Variants in TRPM1 observed in about 807,000 individuals in gnomAD.
TRPM1 encodes the protein TRPM1-203 APA Isoform, Intron 10.
Under a neutral mutation model 149.4 loss-of-function variants are expected in TRPM1, and 113 were observed. The ratio of observed to expected loss-of-function variants is 0.76; its 90% confidence interval spans 0.65 to 0.88. The LOEUF is 0.88. TRPM1 is among the 40% of genes least tolerant of loss of function. The pLI, the probability that TRPM1 is intolerant of heterozygous loss-of-function variation, is 0.00. For synonymous variants in TRPM1, 741 were observed against 759.5 expected, an observed-to-expected ratio of 0.98 and a Z score of 0.40; for missense variants, 1,976 against 2,038.7, an observed-to-expected ratio of 0.97 and a Z score of 0.59.
Position 31,040,489 on chromosome 15 carries a change from A to C in TRPM1, c.2088-143T>G. The stretch of plus-strand genomic sequence containing the variant: ...GCTCTGAGGTTCTCTGCAAGCAAGA[A>C]GCTCCAGGGATGTGTCCCCAAAGGG... On this transcript the variant is annotated intron_variant, in intron 17 of 27. Transcript: ENST00000256552. This position sits in a 1 kb window ranked among gnomAD's most constrained non-coding sequence, Gnocchi z 4.2. The C allele has an allele frequency of 1.4e-6, 1 of 739,854 alleles. No homozygotes were observed. Among genetic ancestry groups the C allele is most frequent in the South Asian group, 1.6e-5 (1 of 62,704 alleles). The allele number at this position is 739,854 out of a possible 1,614,324, so 45.8% of individuals were successfully genotyped here.
chr15:31,077,964 A>G (rs981390406), intron 2 of TRPM1, among the ~76,000 whole-genome samples: 38 of 152,098 alleles, frequency 2.5e-4, no homozygotes, highest in Non-Finnish European at 5.9e-5. Context: ...TGGCGTGTGC[A>G]TGACTATGAC....
intron 15 of TRPM1, 113 bp from the exon 16 acceptor site, chr15:31,046,346 T>A (rs2033763394): frequency 5.2e-6 from 5 of 960,196 alleles, no homozygotes; most frequent in Non-Finnish European, 6.7e-6. Context: ...AAGCACTTTG[T>A]ATCATTAACA....
intron 19 of TRPM1, 83 bp downstream of exon 19, chr15:31,037,961 T>G: frequency 1.2e-6 from 2 of 1,612,286 alleles, no homozygotes; most frequent in Non-Finnish European, 1.7e-6. Context: ...CCAGTGAGAT[T>G]TCTCAATCTG....
Position 31,040,035 on chromosome 15 carries a change from GCC to G in TRPM1, c.2316+81_2316+82del. On this transcript the variant is annotated intron_variant, in intron 18 of 27. Coordinates refer to ENST00000256552, the MANE Select transcript of TRPM1 (RefSeq NM_001252024.2). This position sits in a 1 kb window ranked among gnomAD's most constrained non-coding sequence, Gnocchi z 4.2. ...TTGCTAGAAGGAATAAATGAAATAA[GCC>G]ACAGAAAGTGCTCAGTTCAGCCTGG... 8.2e-7 allele frequency: 1 copy of G among 1,218,260 alleles called. No homozygotes were observed. Among genetic ancestry groups the G allele is most frequent in the Non-Finnish European group, 1.2e-6 (1 of 827,014 alleles). 75.5% of individuals were successfully genotyped at this position (1,218,260 alleles called of 1,614,324 possible). A position where few individuals can be genotyped will look rare whatever the true frequency, so the allele number is the denominator to read the frequency against.
chr15:31,130,329 G>A (rs778586775), intron 1 of TRPM1, among the ~76,000 whole-genome samples: 18 of 152,190 alleles, frequency 1.2e-4, no homozygotes, highest in Admixed American at 9.8e-4. Flanking sequence ...TGACCTAACC[G>A]ACTCCATCTT....
chr15:31,067,800 T>G (rs2034421754), intron 5 of TRPM1, 79 bp downstream of exon 5: 16 of 1,382,352 alleles, frequency 1.2e-5, no homozygotes, highest in Non-Finnish European at 1.4e-5. Context: ...TTGTCCTTAG[T>G]TATTAGGAAG....
intron 25 of TRPM1, among the ~76,000 whole-genome samples, chr15:31,027,838 T>A (rs924122845): frequency 1.1e-4 from 16 of 152,228 alleles, no homozygotes; most frequent in Admixed American, 9.2e-4. Context: ...CAACACAACA[T>A]GCCAAATAGG....
intron 11 of TRPM1, among the ~76,000 whole-genome samples, chr15:31,055,280 C>G (rs1049471615): frequency 1.3e-5 from 2 of 152,140 alleles, no homozygotes; most frequent in African/African-American, 4.8e-5. Flanking sequence ...CCCTCCCTCC[C>G]CAGATACTAT....
At chr15:31,066,783 G>A (rs1027194917) in intron 6 of TRPM1, among the ~76,000 whole-genome samples, 3 of 152,172 alleles carry the variant, frequency 2.0e-5, no homozygotes, top group African/African-American at 7.2e-5. Flanking sequence ...CAGGGGTTAA[G>A]GAAGAGGTGG....
rs560313578 is a variant in TRPM1, at chr15:31,132,080, A to G, written c.54+28826T>C. ...GGAGCATTAGCCACAGCCAGCTGTT[A>G]CGCCGTGTTCTGGGCCATTACGCGG... On this transcript the variant is annotated intron_variant, in intron 1 of 26. Transcript: ENST00000542188. 5.3e-5 allele frequency among the ~76,000 whole-genome samples: 8 copies of G among 152,286 alleles called. No individual in the cohort carries two copies. The South Asian group carries it at 6.2e-4, about 12-fold the overall frequency.
chr15:31,025,760 G>A (rs772744381), intron 27 of TRPM1, among the ~76,000 whole-genome samples: 1 of 152,218 alleles, frequency 6.6e-6, no homozygotes, highest in Non-Finnish European at 1.5e-5. Context: ...TAGGCCGGAT[G>A]AGGAGGGCAG....
Position 31,066,196 on chromosome 15 carries a change from G to T in TRPM1, c.670C>A (p.Leu224Ile). The T allele has an allele frequency of 6.8e-6, 11 of 1,614,190 alleles. No individual in the cohort carries two copies. The highest frequency in any genetic ancestry group is 9.3e-6 in the Non-Finnish European group (11 of 1,180,032). The stretch of plus-strand genomic sequence containing the variant: ...ATGAAGTGGGTGTGGGAGTTGTTGA[G>T]CACAGAGAGCTTACTTAGAGGGTTG... ...MSNPLSKLSV[L>I]NNSHTHFILA... Residue 224 changes from leucine to isoleucine, a missense_variant, in exon 7 of 28, where the codon CTC (leucine) becomes ATC (isoleucine). Leu to Ile is a conservative substitution (Grantham distance 5, BLOSUM62 2). Transcript: ENST00000256552.
At chr15:31,047,546 A>T (rs1203367684) in intron 14 of TRPM1, among the ~76,000 whole-genome samples, 1 of 152,146 alleles carries the variant, frequency 6.6e-6, no homozygotes, top group Non-Finnish European at 1.5e-5. Context: ...ATCTCAAAGG[A>T]GGGACAGAAC....
intron 1 of TRPM1, among the ~76,000 whole-genome samples, chr15:31,152,605 T>C (rs2141063319): frequency 6.6e-6 from 1 of 152,282 alleles, no homozygotes; most frequent in East Asian, 1.9e-4. Flanking sequence ...CTCCTTCTTT[T>C]GGAATTTAGG....
intron 1 of TRPM1, among the ~76,000 whole-genome samples, chr15:31,137,255 G>C (rs1002369379): frequency 1.3e-5 from 2 of 152,138 alleles, no homozygotes; most frequent in African/African-American, 4.8e-5. Context: ...CAATGGTGAG[G>C]TCTCAGAGCA....
chr15:31,063,026 G>A, intron 8 of TRPM1, 92 bp downstream of exon 8: 1 of 1,519,346 alleles, frequency 6.6e-7, no homozygotes, highest in Non-Finnish European at 9.0e-7. Context: ...AAACACGTTT[G>A]GAATGTCTAA....
intron 1 of TRPM1, among the ~76,000 whole-genome samples, chr15:31,093,945 A>G (rs182504275): frequency 6.6e-6 from 1 of 152,234 alleles, no homozygotes; most frequent in East Asian, 1.9e-4. Flanking sequence ...GAGGACTCAT[A>G]TTTTCTGATT....
intron 4 of TRPM1, 123 bp from the exon 5 acceptor site, chr15:31,068,215 G>T: frequency 1.2e-6 from 1 of 867,470 alleles, no homozygotes; most frequent in Non-Finnish European, 1.9e-6. Context: ...TCAGGGCCCT[G>T]GAGCCCTCTG....
chr15:31,062,857 A>C, intron 8 of TRPM1, 155 bp from the exon 9 acceptor site: 2 of 1,012,844 alleles, frequency 2.0e-6, no homozygotes, highest in Non-Finnish European at 3.0e-6. Flanking sequence ...TCGTATTCTC[A>C]CTTGTCCTAA....
Sources: allele counts gnomAD v4.1 joint callset (sites outside exome capture counted in the v4.1 genomes callset), GRCh38; gene constraint gnomAD v4.1.1; non-coding constraint Gnocchi (gnomAD v3.1); transcripts MANE v1.5; gene names NCBI Gene and HGNC (gene_info 2026-07-23, HGNC 2026-07-21).